CNTN4: variants seen among roughly 807,000 people sequenced by gnomAD.
CNTN4 encodes contactin-4.
Under a neutral mutation model 122.5 loss-of-function variants are expected in CNTN4, and 77 were observed. The ratio of observed to expected loss-of-function variants is 0.63; its 90% CI spans 0.52 to 0.76. The LOEUF is 0.76. CNTN4 is among the 30% of genes least tolerant of loss of function. CNTN4 has a pLI of 0.00. For synonymous variants in CNTN4, 512 were observed against 447.0 expected (o/e 1.15, Z -1.83); for missense variants, 1,256 against 1,259.1 (o/e 1.00, Z 0.04).
intron 9 of CNTN4, among the ~76,000 whole-genome samples, chr3:2,883,758 G>C (rs1048598467): frequency 3.3e-5 from 5 of 152,184 alleles, no homozygotes; most frequent in African/African-American, 1.2e-4. Context: ...AAGAGAGTCT[G>C]TTTTACAAAG....
At chr3:2,294,288 C>CTTGTTTTTTTTTTTTTTTTTTTTTT (rs2042229813) in intron 2 of CNTN4, among the ~76,000 whole-genome samples, 1 of 135,614 alleles carries the variant, frequency 7.4e-6, no homozygotes, top group Non-Finnish European at 1.6e-5. Context: ...AGAGTTGTGA[C>CTTGTTTTTTTTTTTTTTTTTTTTTT]TTTTTTTTTT....
At chr3:2,999,391 G>C (rs1356151762) in intron 14 of CNTN4, among the ~76,000 whole-genome samples, 1 of 152,208 alleles carries the variant, frequency 6.6e-6, no homozygotes, top group Non-Finnish European at 1.5e-5. Flanking sequence ...CACCCTGAAA[G>C]TGTTGGTTTG....
chr3:2,680,370 T>C (rs1053629874), intron 4 of CNTN4, among the ~76,000 whole-genome samples: 6 of 152,122 alleles, frequency 3.9e-5, no homozygotes, highest in Non-Finnish European at 7.4e-5. Flanking sequence ...GATGTATAAA[T>C]GAATATGATG....
intron 14 of CNTN4, among the ~76,000 whole-genome samples, chr3:3,021,040 A>T (rs903867505): frequency 1.1e-4 from 17 of 151,922 alleles, no homozygotes; most frequent in Non-Finnish European, 2.1e-4. Context: ...AGCTGCACAG[A>T]CTCCATGAGC....
chr3:2,610,223 T>C (rs1341912821), intron 4 of CNTN4, among the ~76,000 whole-genome samples: 1 of 152,218 alleles, frequency 6.6e-6, no homozygotes, highest in Non-Finnish European at 1.5e-5. Flanking sequence ...GGAAGTTTGC[T>C]CACTTCCATT....
chr3:2,171,388 T>A (rs528211096), intron 2 of CNTN4, among the ~76,000 whole-genome samples: 1 of 152,360 alleles, frequency 6.6e-6, no homozygotes, highest in Non-Finnish European at 1.5e-5. Flanking sequence ...CTTTGCATTT[T>A]TGTCTGTCTT....
intron 6 of CNTN4, among the ~76,000 whole-genome samples, chr3:2,778,732 T>C (rs2091447553): frequency 6.6e-6 from 1 of 152,146 alleles, no homozygotes; most frequent in South Asian, 2.1e-4. Flanking sequence ...GGGTTCAGCA[T>C]AATGGGGGAG....
At chr3:2,191,208 A>G (rs953074947) in intron 2 of CNTN4, among the ~76,000 whole-genome samples, 4 of 151,256 alleles carry the variant, frequency 2.6e-5, no homozygotes, top group African/African-American at 9.7e-5. Flanking sequence ...AGCTGTGACT[A>G]CAGGCACGTG....
chr3:2,550,122 T>C (rs1244623246), intron 3 of CNTN4, among the ~76,000 whole-genome samples: 1 of 152,138 alleles, frequency 6.6e-6, no homozygotes, highest in Non-Finnish European at 1.5e-5. Flanking sequence ...GTAGTTTATC[T>C]ATTTTGTCAA....
chr3:2,778,882 C>T (rs1043585723), intron 6 of CNTN4, among the ~76,000 whole-genome samples: 29 of 152,306 alleles, frequency 1.9e-4, no homozygotes, highest in African/African-American at 6.7e-4. Context: ...CTGTTAAGGA[C>T]TGTCACAATA....
chr3:2,138,815 ATAATC>A (rs1471064931), intron 2 of CNTN4, among the ~76,000 whole-genome samples: 2 of 152,150 alleles, frequency 1.3e-5, no homozygotes, highest in Non-Finnish European at 2.9e-5. Context: ...CTCAGTCTCC[ATAATC>A]ATATGAGCCA....
At chr3:3,053,477 G>T in intron 23 of CNTN4, among the ~76,000 whole-genome samples, 1 of 152,236 alleles carries the variant, frequency 6.6e-6, no homozygotes, top group East Asian at 1.9e-4. Flanking sequence ...AAGCACCGAT[G>T]TGTAACTGAG....
At chr3:2,375,043 C>G (rs1436814315) in intron 3 of CNTN4, among the ~76,000 whole-genome samples, 1 of 152,138 alleles carries the variant, frequency 6.6e-6, no homozygotes, top group Non-Finnish European at 1.5e-5. Flanking sequence ...GTCCATCTGA[C>G]AATATGATAT....
chr3:2,169,318 A>G (rs1025415877), intron 2 of CNTN4, among the ~76,000 whole-genome samples: 4 of 152,162 alleles, frequency 2.6e-5, no homozygotes, highest in Non-Finnish European at 4.4e-5. Context: ...GATAAATTCC[A>G]CATCTCTATT....
At chr3:2,730,605 A>G (rs370761342) in intron 4 of CNTN4, among the ~76,000 whole-genome samples, 1 of 152,208 alleles carries the variant, frequency 6.6e-6, no homozygotes, top group Non-Finnish European at 1.5e-5. Context: ...TACATTTAGC[A>G]TCAGTGGAAT....
At chr3:2,656,188 A>G (rs756829124) in intron 4 of CNTN4, among the ~76,000 whole-genome samples, 39 of 152,242 alleles carry the variant, frequency 2.6e-4, no homozygotes, top group Middle Eastern at 3.2e-3. Flanking sequence ...GGAAGGACAG[A>G]TGTAATCTCA....
intron 6 of CNTN4, 144 bp downstream of exon 6, chr3:2,745,841 C>A (rs1442623716): frequency 1.4e-6 from 1 of 738,694 alleles, no homozygotes; most frequent in South Asian, 1.7e-5. Flanking sequence ...ATTTTGGAAA[C>A]AATTTTATTT....
intron 3 of CNTN4, among the ~76,000 whole-genome samples, chr3:2,402,433 T>C (rs1198448860): frequency 6.6e-6 from 1 of 152,076 alleles, no homozygotes; most frequent in African/African-American, 2.4e-5. Flanking sequence ...TTCATAGTAG[T>C]CGTACATATT....
intron 2 of CNTN4, among the ~76,000 whole-genome samples, chr3:2,209,693 C>T (rs775932785): frequency 6.6e-6 from 1 of 152,064 alleles, no homozygotes; most frequent in Non-Finnish European, 1.5e-5. Context: ...CAGGGTCCAA[C>T]GCTTGATTTT....
Sources: allele counts gnomAD v4.1 joint callset (sites outside exome capture counted in the v4.1 genomes callset), GRCh38; gene constraint gnomAD v4.1.1; transcripts MANE v1.5; gene names NCBI Gene and HGNC (gene_info 2026-07-23, HGNC 2026-07-21).